Variants in CFAP46 observed in about 807,000 individuals in gnomAD.
CFAP46 encodes cilia- and flagella-associated protein 46.
CFAP46 carries 245 observed loss-of-function variants against 325.7 expected under a neutral mutation model. The observed-to-expected ratio is 0.75, with a 90% CI of 0.68 to 0.84. The LOEUF is 0.84. CFAP46 is among the 40% of genes least tolerant of loss of function. CFAP46 has a pLI of 0.00. For missense variants in CFAP46, 3,346 were observed against 3,543.0 expected, an observed-to-expected ratio of 0.94 and a Z score of 1.41; for synonymous variants, 1,523 against 1,495.9, an observed-to-expected ratio of 1.02 and a Z score of -0.42.
chr10:132,901,029 G>C (rs181756275), intron 22 of CFAP46, among the ~76,000 whole-genome samples: 2 of 152,198 alleles, frequency 1.3e-5, no homozygotes, highest in Non-Finnish European at 2.9e-5. Context: ...CCGTTTAACC[G>C]GACACCAGCT....
Position 132,913,040 on chromosome 10 carries a change from A to G in CFAP46, c.2333+6T>C, listed in dbSNP as rs1338632126. ...CCTGCGTGAACGCAGCACAGCCCAC[A>G]CGCACCCACTGTGGCCTGTGGCCTT... On this transcript the variant is annotated splice_donor_region_variant and intron_variant, in intron 18 of 57. Coordinates refer to ENST00000368586, the MANE Select transcript of CFAP46 (RefSeq NM_001200049.3). The G allele has an allele frequency of 3.5e-5, 54 of 1,549,264 alleles. No homozygotes were observed. Among genetic ancestry groups the G allele is most frequent in the Non-Finnish European group, 4.6e-5 (53 of 1,146,800 alleles).
At position 132,919,524 on chromosome 10, in the gene CFAP46, C is replaced by G; in HGVS notation, c.1731-82G>C. 1 of 1,474,458 alleles carries G rather than the reference C, an allele frequency of 6.8e-7. No individual in the cohort carries two copies. The highest frequency in any genetic ancestry group is 9.0e-7 in the Non-Finnish European group (1 of 1,109,574). 91.3% of individuals were successfully genotyped at this position (1,474,458 alleles called of 1,614,324 possible). A position where few individuals can be genotyped will look rare whatever the true frequency, so the allele number is the denominator to read the frequency against. On this transcript the variant is annotated intron_variant, in intron 14 of 57. Transcript: ENST00000368586. This position sits in a 1 kb window ranked among gnomAD's most constrained non-coding sequence, Gnocchi z 9.7. ...GTTAGAAAACACCTGGGCTGGCTGC[C>G]TGAGAAAAGGCCACTGTGGCTCTGC... is the stretch of plus-strand genomic sequence containing the variant.
Position 132,899,668 on chromosome 10 carries a change from T to C in CFAP46, c.2925-2A>G. 8 of 1,548,196 alleles carry C rather than the reference T, an allele frequency of 5.2e-6. No homozygotes were observed. Among genetic ancestry groups the C allele is most frequent in the Non-Finnish European group, 7.0e-6 (8 of 1,145,812 alleles). On this transcript the variant is annotated splice_acceptor_variant, in intron 22 of 57. Transcript: ENST00000368586. LOFTEE classifies it high-confidence loss of function. ...TCTGCCACCAGCCGGGACTCCTCGC[T>C]GCAGGAACAGGGCCAGTGAGGAGGG...
At position 132,913,035 on chromosome 10, in the gene CFAP46, C is replaced by T. The variant is rs775004058; in HGVS notation, c.2333+11G>A. ...CCCTCCCTGCGTGAACGCAGCACAG[C>T]CCACACGCACCCACTGTGGCCTGTG... is the stretch of plus-strand genomic sequence containing the variant. On this transcript the variant is annotated intron_variant, in intron 18 of 57. Transcript: ENST00000368586. The T allele has an allele frequency of 6.5e-7, 1 of 1,548,864 alleles. No individual in the cohort carries two copies.
chr10:132,926,191 G>A (rs953189519), intron 10 of CFAP46, among the ~76,000 whole-genome samples: 11 of 152,192 alleles, frequency 7.2e-5, no homozygotes, highest in Non-Finnish European at 1.6e-4. Flanking sequence ...ACGCCTTCCC[G>A]GACTCAAGTG....
Position 132,837,130 on chromosome 10 carries a change from C to T in CFAP46, c.6439-216G>A. 3 of 500,160 alleles carry T rather than the reference C, an allele frequency of 6.0e-6. No homozygotes were observed. In the South Asian group the frequency reaches 9.1e-5, roughly 15 times the overall value. The allele number at this position is 500,160 out of a possible 1,614,324, so 31.0% of individuals were successfully genotyped here. ...AGAGGCACGCAAGAGTCACCGGCGG[C>T]CCCAAAATGTCATTTCTCTCCGGTT... On this transcript the variant is annotated intron_variant, in intron 44 of 57. Transcript: ENST00000368586.
At chr10:132,918,948 G>A (rs538921239) in intron 15 of CFAP46, among the ~76,000 whole-genome samples, 1 of 152,312 alleles carries the variant, frequency 6.6e-6, no homozygotes, top group East Asian at 1.9e-4. Flanking sequence ...GGTGCTGATT[G>A]ATGAGCCTGC....
chr10:132,851,053 G>A (rs557081818), intron 40 of CFAP46, 64 bp downstream of exon 40: 6 of 1,584,548 alleles, frequency 3.8e-6, no homozygotes, highest in African/African-American at 1.3e-5. Flanking sequence ...TGGAACGGGG[G>A]TCCCATCAGC....
intron 45 of CFAP46, 146 bp downstream of exon 45, chr10:132,836,671 A>G: frequency 1.4e-6 from 1 of 710,274 alleles, no homozygotes; most frequent in East Asian, 2.5e-5. Flanking sequence ...TCTGTCCGGC[A>G]CCTTCTTGGG....
Position 132,939,737 on chromosome 10 carries a change from C to CTGCTGCGTCTCCCTGAG in CFAP46, c.372-1001_372-985dup, listed in dbSNP as rs746319872. 4.1e-4 allele frequency among the ~76,000 whole-genome samples: 63 copies of CTGCTGCGTCTCCCTGAG among 152,214 alleles called. No individual in the cohort carries two copies. The highest frequency in any genetic ancestry group is 1.3e-3 in the African/African-American group (56 of 41,522). ...GGGGTCATCATGGGACTCCAGCGGCCTGCTGCGTCTCCCTGAGTGCTGCGT... is the reference window on the plus strand; with the variant it reads ...GGGGTCATCATGGGACTCCAGCGGCCTGCTGCGTCTCCCTGAGTGCTGCGTCTCCCTGAGTGCTGCGT... On this transcript the variant is annotated intron_variant, in intron 4 of 57. Coordinates refer to ENST00000368586, the MANE Select transcript of CFAP46 (RefSeq NM_001200049.3). This position sits in a 1 kb window ranked among gnomAD's most constrained non-coding sequence, Gnocchi z 4.6.
In CFAP46 at chr10:132,869,938, C is replaced by T. The variant is rs1055282588; in HGVS notation, c.4512-566G>A. Among the ~76,000 whole-genome samples the T allele has an allele frequency of 2.6e-5, 4 of 152,180 alleles. No homozygotes were observed. Among genetic ancestry groups the T allele is most frequent in the African/African-American group, 7.2e-5 (3 of 41,444 alleles). On this transcript the variant is annotated intron_variant, in intron 32 of 57. Coordinates refer to ENST00000368586, the MANE Select transcript of CFAP46 (RefSeq NM_001200049.3). The surrounding 1 kb of genome is among the most constrained non-coding windows in gnomAD (Gnocchi z 6.2). ...CCATTTATCAAACTGTGCTGTATTG[C>T]GCTGCTCAGATGTTGCATATTTTAC...
intron 57 of CFAP46, among the ~76,000 whole-genome samples, chr10:132,809,642 G>A (rs578160384): frequency 4.6e-5 from 7 of 152,178 alleles, no homozygotes; most frequent in African/African-American, 1.2e-4. Context: ...ACCGCTGAGC[G>A]CCTCAACTCA....
In CFAP46 at chr10:132,899,106, C is replaced by A; in HGVS notation, c.3072G>T (p.Ala1024=). The change falls in exon 24 of 58, where the codon GCG becomes GCT. Residue 1024 remains alanine, a synonymous_variant. Coordinates refer to ENST00000368586, the MANE Select transcript of CFAP46 (RefSeq NM_001200049.3). The part of the protein sequence containing the change: ...FTESARFGGI[A]GSSALVMLAA... ...CCAGCATCACCAGGGCGCTGCTGCC[C>A]GCGATGCCTCCGAACCTAAAAGAGG... 6.5e-7 allele frequency: 1 copy of A among 1,549,736 alleles called. No homozygotes were observed. The highest frequency in any genetic ancestry group is 8.7e-7 in the Non-Finnish European group (1 of 1,146,880).
At chr10:132,881,342 C>T (rs1023853661) in intron 27 of CFAP46, among the ~76,000 whole-genome samples, 5 of 152,156 alleles carry the variant, frequency 3.3e-5, no homozygotes, top group African/African-American at 9.7e-5. Flanking sequence ...TTCCCTGCAC[C>T]GCAAGAGGAC....
intron 1 of CFAP46, 135 bp downstream of exon 1, chr10:132,942,301 G>A (rs1447333407): frequency 3.8e-6 from 4 of 1,045,634 alleles, no homozygotes; most frequent in African/African-American, 3.3e-5. Flanking sequence ...GGGAGGTGGG[G>A]GCTCCGGCTG....
rs1347712582 is a variant in CFAP46, at chr10:132,847,941, C to T, written c.5953-620G>A. Among the ~76,000 whole-genome samples the T allele has an allele frequency of 6.6e-6, 1 of 152,182 alleles. No homozygotes were observed. The highest frequency in any genetic ancestry group is 2.4e-5 in the African/African-American group (1 of 41,458). On this transcript the variant is annotated intron_variant, in intron 41 of 57. Transcript: ENST00000368586. The surrounding 1 kb of genome is among the most constrained non-coding windows in gnomAD (Gnocchi z 5.2). ...CCCGTTCTAGTAGGCTGCCTGAATG[C>T]AGGCAAAAACCAGCAAGCACGCTGG...
rs140070146 is a variant in CFAP46, at chr10:132,808,578, G to T, written c.7991C>A (p.Ser2664Ter). Residue 2664 changes from serine to a stop codon, truncating the protein, a stop_gained, in exon 58 of 58, where the codon TCG becomes TAG. Coordinates refer to ENST00000368586, the MANE Select transcript of CFAP46 (RefSeq NM_001200049.3). LOFTEE classifies it low-confidence loss of function (END_TRUNC). This position sits in a 1 kb window ranked among gnomAD's most constrained non-coding sequence, Gnocchi z 6.8. The part of the protein sequence containing the change: ...ATSRKAAAWT[S>*]SSACLCAPWG... Reference sequence around the variant, plus strand: ...TGGCGCACACAGGCAGGCAGAGCTCGAGGTCCAGGCGGCTGCCTTGCGGGA... The same window carrying T: ...TGGCGCACACAGGCAGGCAGAGCTCTAGGTCCAGGCGGCTGCCTTGCGGGA... The T allele has an allele frequency of 2.2e-5, 36 of 1,612,696 alleles. No individual in the cohort carries two copies. The African/African-American group carries it at 4.4e-4, about 20-fold the overall frequency.
intron 28 of CFAP46, among the ~76,000 whole-genome samples, 165 bp downstream of exon 28, chr10:132,880,696 G>A (rs144759133): frequency 0.049 from 7,345 of 149,676 alleles, 255 homozygotes; most frequent in Non-Finnish European, 0.068. Context: ...ACTGAGACAC[G>A]TCAGGGGCCC....
rs562348962 is a variant in CFAP46 at position 132,834,741 on chromosome 10, C to T, written c.6779G>A (p.Arg2260His). Residue 2260 changes from arginine (R) to histidine (H), a missense_variant, in exon 48 of 58, where the codon CGC becomes CAC. Arg to His is a conservative substitution (Grantham distance 29, BLOSUM62 0). Transcript: ENST00000368586. ...PEGLQVEEKERPVQRLSSVLG... is the reference protein window; with the variant it reads ...PEGLQVEEKEHPVQRLSSVLG... The stretch of plus-strand genomic sequence containing the variant: ...GACGCTACTGAGCCTCTGCACAGGG[C>T]GCTCCTTCTCTTCCACCTGCAGGCC... The T allele has an allele frequency of 9.9e-6, 16 of 1,612,638 alleles. No individual in the cohort carries two copies. The highest frequency in any genetic ancestry group is 2.2e-5 in the East Asian group (1 of 44,872).
Sources: gnomAD v4.1 joint callset for allele counts (sites outside exome capture counted in the v4.1 genomes callset) on GRCh38, gnomAD v4.1.1 for gene constraint, Gnocchi (gnomAD v3.1) non-coding constraint, MANE v1.5 for transcripts, NCBI Gene and HGNC (gene_info 2026-07-23, HGNC 2026-07-21) for gene names.